Variants in PCDHA5 observed in about 807,000 individuals in gnomAD.
The protein encoded by PCDHA5 is protocadherin alpha-5.
In PCDHA5, 43 loss-of-function variants were observed where a neutral mutation model predicts 61.6. The ratio of observed to expected loss-of-function variants is 0.70; its 90% CI spans 0.55 to 0.90. The LOEUF (loss-of-function observed/expected upper bound fraction) is 0.90, where lower values mean the gene tolerates loss of function less well. Among genes scored for constraint, PCDHA5 ranks in the 40% least tolerant of loss-of-function variants. The pLI is 0.00. For missense variants in PCDHA5, 1,298 were observed against 1,222.7 expected (o/e 1.06, Z -0.92); for synonymous variants, 627 against 543.9 (o/e 1.15, Z -2.13).
At chr5:140,940,398 T>C (rs936966571) in intron 1 of PCDHA5, among the ~76,000 whole-genome samples, 10 of 152,340 alleles carry the variant, frequency 6.6e-5, no homozygotes, top group African/African-American at 2.4e-4. Context: ...TATTGTGTTT[T>C]TCATTTTAAA....
intron 1 of PCDHA5, among the ~76,000 whole-genome samples, chr5:140,972,732 C>T (rs2096552874): frequency 1.3e-5 from 2 of 149,646 alleles, no homozygotes; most frequent in Non-Finnish European, 3.0e-5. Flanking sequence ...GGCGTAATCC[C>T]GGCTCACTGC....
chr5:140,977,564 A>G (rs2096766034), intron 1 of PCDHA5, among the ~76,000 whole-genome samples: 1 of 152,178 alleles, frequency 6.6e-6, no homozygotes, highest in African/African-American at 2.4e-5. Flanking sequence ...TTGCTAGCAG[A>G]TTGGTAGAAT....
intron 1 of PCDHA5, among the ~76,000 whole-genome samples, chr5:140,897,071 A>AT (rs1433909021): frequency 3.3e-5 from 5 of 151,872 alleles, no homozygotes; most frequent in African/African-American, 1.2e-4. Flanking sequence ...TGTCTTATTC[A>AT]TTTTTTCTAT....
At chr5:140,890,890 T>C (rs2062844225) in intron 1 of PCDHA5, among the ~76,000 whole-genome samples, 1 of 152,192 alleles carries the variant, frequency 6.6e-6, no homozygotes, top group South Asian at 2.1e-4. Context: ...TCAGGGATTA[T>C]TGTCTTTCCA....
intron 1 of PCDHA5, chr5:140,968,672 G>A: frequency 6.2e-7 from 1 of 1,614,180 alleles, no homozygotes; most frequent in Non-Finnish European, 8.5e-7. Context: ...CTTTAAGGTA[G>A]AGCTGCACAC....
rs2150116871 is a variant in PCDHA5, at chr5:140,822,504, A to G, written c.729A>G (p.Lys243=). The change falls in exon 1 of 4, where the codon AAA becomes AAG. Residue 243 remains lysine (K), a synonymous_variant. Transcript: ENST00000529859. The part of the protein sequence containing the change: ...DANDNAPEFD[K]SIYNVRLLEN... ...ATGATAACGCCCCAGAATTTGATAA[A>G]TCCATTTATAATGTCAGATTGTTGG... 4 of 1,613,934 alleles carry G rather than the reference A, an allele frequency of 2.5e-6. No individual in the cohort carries two copies. The South Asian group carries it at 4.4e-5, about 18-fold the overall frequency.
chr5:140,939,903 CT>C (rs1485545948), intron 1 of PCDHA5, among the ~76,000 whole-genome samples: 1 of 152,046 alleles, frequency 6.6e-6, no homozygotes, highest in Non-Finnish European at 1.5e-5. Context: ...ATTCTGCATT[CT>C]TTTTTATTCT....
chr5:140,830,932 C>T (rs2150190420), intron 1 of PCDHA5: 7 of 152,266 alleles, frequency 4.6e-5, no homozygotes, highest in African/African-American at 1.7e-4. Flanking sequence ...TTTCTGTCGA[C>T]ACTTTTATTA....
chr5:140,969,542 C>A, intron 1 of PCDHA5: 1 of 1,279,482 alleles, frequency 7.8e-7, no homozygotes, highest in Non-Finnish European at 1.1e-6. Context: ...TTTTCAGAGG[C>A]ATGAAGCCTT....
rs2150277487 is a variant in PCDHA5, at chr5:140,837,615, C to CCCTT, written c.2352+13505_2352+13508dup. On this transcript the variant is annotated intron_variant, in intron 1 of 3. Transcript: ENST00000529859. ...CCAATATATATATTTTATAATTTGC[C>CCCTT]CCTTCCTTCCTTCCTTCCTTTCTTT... Among the ~76,000 whole-genome samples the CCCTT allele has an allele frequency of 5.2e-3, 763 of 145,918 alleles. 3 individuals are homozygous for CCCTT. Among genetic ancestry groups the CCCTT allele is most frequent in the South Asian group, 0.011 (50 of 4,612 alleles).
intron 1 of PCDHA5, among the ~76,000 whole-genome samples, chr5:140,965,140 TG>T (rs1191631396): frequency 2.0e-5 from 3 of 152,150 alleles, no homozygotes; most frequent in Non-Finnish European, 4.4e-5. Flanking sequence ...GACAGAATAC[TG>T]GGAGATGAAG....
chr5:140,902,044 A>AT (rs1222362795), intron 1 of PCDHA5, among the ~76,000 whole-genome samples: 6 of 152,016 alleles, frequency 3.9e-5, no homozygotes, highest in Non-Finnish European at 5.9e-5. Flanking sequence ...TTGTATGTTG[A>AT]TTTTGTATCC....
intron 1 of PCDHA5, among the ~76,000 whole-genome samples, chr5:140,936,540 G>A (rs1320380132): frequency 6.6e-6 from 1 of 152,174 alleles, no homozygotes; most frequent in East Asian, 1.9e-4. Context: ...TGAATATAGT[G>A]CAATGTAGAA....
chr5:140,920,400 T>C (rs1185930806), intron 1 of PCDHA5, among the ~76,000 whole-genome samples: 1 of 152,244 alleles, frequency 6.6e-6, no homozygotes, highest in Non-Finnish European at 1.5e-5. Context: ...TGGTGTCTTT[T>C]TTTAATCAGA....
At chr5:140,871,465 CAG>C in intron 1 of PCDHA5, 1 of 1,602,850 alleles carries the variant, frequency 6.2e-7, no homozygotes, top group Non-Finnish European at 8.5e-7. Flanking sequence ...AGGGGAAAGA[CAG>C]GAGCCAGGGT....
At chr5:140,959,567 T>A (rs2095496193) in intron 1 of PCDHA5, among the ~76,000 whole-genome samples, 1 of 152,208 alleles carries the variant, frequency 6.6e-6, no homozygotes, top group Non-Finnish European at 1.5e-5. Context: ...AGTACTAGAT[T>A]TTTTGTTTCA....
rs1554141625 is a variant in PCDHA5 at position 140,847,005 on chromosome 5, A to G, written c.2352+22878A>G. On this transcript the variant is annotated intron_variant, in intron 1 of 3. Coordinates refer to ENST00000529859, the MANE Select transcript of PCDHA5 (RefSeq NM_018908.3). Reference sequence around the variant, plus strand: ...AGTTCCCCCCGGGAGAATATTGAGAATGATAGACATTTCTTGGAAAGAGAA... The same window carrying G: ...AGTTCCCCCCGGGAGAATATTGAGAGTGATAGACATTTCTTGGAAAGAGAA... 2.7e-5 allele frequency among the ~76,000 whole-genome samples: 4 copies of G among 149,762 alleles called. 1 individual carries two copies.
intron 3 of PCDHA5, among the ~76,000 whole-genome samples, chr5:141,008,970 G>A (rs147776833): frequency 6.6e-6 from 1 of 152,236 alleles, no homozygotes; most frequent in East Asian, 1.9e-4. Flanking sequence ...TACATTTATA[G>A]CCAAAGTTTA....
chr5:140,884,233 T>A (rs782019323), intron 1 of PCDHA5: 1 of 1,613,364 alleles, frequency 6.2e-7, no homozygotes. Flanking sequence ...AGGACCACGG[T>A]GAGCCCGCGC....
Sources: allele counts gnomAD v4.1 joint callset (sites outside exome capture counted in the v4.1 genomes callset), GRCh38; gene constraint gnomAD v4.1.1; transcripts MANE v1.5; gene names NCBI Gene and HGNC (gene_info 2026-07-23, HGNC 2026-07-21).